LRRC59: variants seen among roughly 807,000 people sequenced by gnomAD.
The protein encoded by LRRC59 is leucine rich repeat containing 59, also known as leucine-rich repeat-containing protein 59.
A neutral mutation model predicts 33.5 loss-of-function variants in LRRC59; 18 were observed. That is an observed-to-expected ratio of 0.54 (90% CI 0.37 to 0.80). The LOEUF is 0.80. LRRC59 is among the 30% of genes least tolerant of loss of function. LRRC59 has a pLI of 0.00. For missense variants in LRRC59, 330 were observed against 391.9 expected, an observed-to-expected ratio of 0.84 and a Z score of 1.33; for synonymous variants, 138 against 160.0, an observed-to-expected ratio of 0.86 and a Z score of 1.04.
At chr17:50,395,716 C>A (rs1314560164) in intron 1 of LRRC59, among the ~76,000 whole-genome samples, 2 of 152,068 alleles carry the variant, frequency 1.3e-5, no homozygotes, top group Non-Finnish European at 2.9e-5. Context: ...GAGTTCGAGA[C>A]CAGCCTGACC....
intron 1 of LRRC59, chr17:50,396,902 CAG>C: frequency 2.5e-6 from 1 of 394,590 alleles, no homozygotes; most frequent in Non-Finnish European, 4.5e-6. Context: ...TGCTCCTACT[CAG>C]AGTCGGGCAC....
chr17:50,396,281 T>A (rs1402351722), intron 1 of LRRC59: 1 of 152,228 alleles, frequency 6.6e-6, no homozygotes, highest in Non-Finnish European at 1.5e-5. Context: ...AATAAGCGTA[T>A]GAGATGGAAA....
rs558084731 is a variant in LRRC59 at position 50,395,600 on chromosome 17, C to T, written c.106-612G>A. Reference sequence around the variant, plus strand: ...GAATCATGACTGATCGAGTAAGTAGCGGAGTGAATGACAGAGTGAAAAAAC... The same window carrying T: ...GAATCATGACTGATCGAGTAAGTAGTGGAGTGAATGACAGAGTGAAAAAAC... On this transcript the variant is annotated intron_variant, in intron 1 of 6. Transcript: ENST00000225972. Among the ~76,000 whole-genome samples the T allele has an allele frequency of 1.8e-3, 273 of 152,164 alleles. 1 individual carries two copies. Among genetic ancestry groups the T allele is most frequent in the African/African-American group, 6.1e-3 (252 of 41,526 alleles).
rs1913832132 is a variant in LRRC59 at position 50,381,356 on chromosome 17, CG to C, written c.*1631del. Reference sequence around the variant, plus strand: ...GGCTCAGCCACTGAGCTGCCTCAACCGGCCAAGGAACGGGATTATGATGACT... The same window carrying C: ...GGCTCAGCCACTGAGCTGCCTCAACCGCCAAGGAACGGGATTATGATGACT... On this transcript the variant is annotated 3_prime_UTR_variant, in exon 7 of 7. Coordinates refer to ENST00000225972, the MANE Select transcript of LRRC59 (RefSeq NM_018509.4). 1 of 199,492 alleles carries C rather than the reference CG, an allele frequency of 5.0e-6. No homozygotes were observed. Among genetic ancestry groups the C allele is most frequent in the Admixed American group, 5.3e-5 (1 of 19,004 alleles). The allele number at this position is 199,492 out of a possible 1,614,324, so 12.4% of individuals were successfully genotyped here.
intron 6 of LRRC59, 21 bp downstream of exon 6, chr17:50,385,097 T>TA: frequency 6.2e-7 from 1 of 1,610,692 alleles, no homozygotes; most frequent in South Asian, 1.1e-5. Flanking sequence ...GCTGGAATCT[T>TA]ACAACAGGCA....
At position 50,395,003 on chromosome 17, in the gene LRRC59, A is replaced by C. The variant is rs1914237582; in HGVS notation, c.106-15T>G. The C allele has an allele frequency of 1.9e-6, 3 of 1,600,840 alleles. No homozygotes were observed. Among genetic ancestry groups the C allele is most frequent in the Non-Finnish European group, 2.6e-6 (3 of 1,168,956 alleles). ...GGAAGGGCAGCCTAGGTAAAAGAGG[A>C]TGAGAAAAACATGTCAGACCAACAT... is the stretch of plus-strand genomic sequence containing the variant. On this transcript the variant is annotated splice_polypyrimidine_tract_variant and intron_variant, in intron 1 of 6. Coordinates refer to ENST00000225972, the MANE Select transcript of LRRC59 (RefSeq NM_018509.4).
chr17:50,392,615 G>C, intron 3 of LRRC59, 113 bp from the exon 4 acceptor site: 1 of 1,460,926 alleles, frequency 6.8e-7, no homozygotes. Flanking sequence ...TCCACATATA[G>C]GGAGCGCCAT....
At chr17:50,396,976 C>T (rs1373803611) in intron 1 of LRRC59, 2 of 409,564 alleles carry the variant, frequency 4.9e-6, no homozygotes, top group Non-Finnish European at 8.6e-6. Context: ...CTGTAAAAAG[C>T]CTAGGGCCAG....
intron 1 of LRRC59, chr17:50,396,327 C>T (rs1263888314): frequency 6.6e-6 from 1 of 152,218 alleles, no homozygotes; most frequent in African/African-American, 2.4e-5. Flanking sequence ...GAGATCTAGG[C>T]ATAAAGGCTA....
chr17:50,392,819 CAA>C lies in LRRC59; in HGVS notation c.242_243del (p.Phe81TrpfsTer37). ...KNKLQQLPADFGRLVNLQHLD... is the reference protein window; with the variant it reads ...KNKLQQLPADXGRLVNLQHLD... ...AGGTGCTGGAGGTTGACCAGACGGCCAAAGTCTGCTGGCAGCTGCTGCAGCTT... is the reference window on the plus strand; with the variant it reads ...AGGTGCTGGAGGTTGACCAGACGGCCAGTCTGCTGGCAGCTGCTGCAGCTT... On this transcript the variant is annotated frameshift_variant, in exon 3 of 7. Coordinates refer to ENST00000225972, the MANE Select transcript of LRRC59 (RefSeq NM_018509.4). LOFTEE classifies it high-confidence loss of function. 6.2e-7 allele frequency: 1 copy of C among 1,614,128 alleles called. No individual in the cohort carries two copies. Among genetic ancestry groups the C allele is most frequent in the Non-Finnish European group, 8.5e-7 (1 of 1,180,000 alleles).
rs139115894 is a variant in LRRC59 at position 50,388,080 on chromosome 17, C to T, written c.482G>A (p.Arg161Gln). The change falls in exon 5 of 7, where the codon CGG (arginine) becomes CAG (glutamine). Residue 161 changes from arginine to glutamine, a missense_variant. By Grantham distance (43) the Arg-to-Gln change is conservative. Transcript: ENST00000225972. The stretch of plus-strand genomic sequence containing the variant: ...CCTACCACGTTCTACTTCCAGCCGC[C>T]GCTGCCTCTCCCGCTCCTGATCTGC... ...VQADQERERQRRLEVEREAEK... is the reference protein window; with the variant it reads ...VQADQERERQQRLEVEREAEK... 4.7e-5 allele frequency: 76 copies of T among 1,614,196 alleles called. No individual in the cohort carries two copies. The African/African-American group carries it at 6.1e-4, about 13-fold the overall frequency.
intron 4 of LRRC59, 77 bp from the exon 5 acceptor site, chr17:50,388,209 T>C (rs898229309): frequency 7.5e-7 from 1 of 1,330,438 alleles, no homozygotes; most frequent in African/African-American, 1.4e-5. Flanking sequence ...CAGACTATTT[T>C]CAGGCTTCCA....
At position 50,381,682 on chromosome 17, in the gene LRRC59, A is replaced by G. The variant is rs1353099393; in HGVS notation, c.*1306T>C. 1.3e-5 allele frequency: 2 copies of G among 152,682 alleles called. No homozygotes were observed. The highest frequency in any genetic ancestry group is 6.5e-5 in the Admixed American group (1 of 15,286). The allele number at this position is 152,682 out of a possible 1,614,324, so 9.5% of individuals were successfully genotyped here. A position where few individuals can be genotyped will look rare whatever the true frequency, so the allele number is the denominator to read the frequency against. On this transcript the variant is annotated 3_prime_UTR_variant, in exon 7 of 7. Transcript: ENST00000225972. The stretch of plus-strand genomic sequence containing the variant: ...CTCCGGGGGAGCCAAGGAGCTTGCA[A>G]CTGGGAGTTTGCAGTGAATGAGCAC...
chr17:50,391,794 G>A (rs574006513), intron 4 of LRRC59, among the ~76,000 whole-genome samples: 4 of 152,230 alleles, frequency 2.6e-5, no homozygotes, highest in South Asian at 4.1e-4. Context: ...CCTAACCCCC[G>A]GTACTATTAA....
chr17:50,383,120 A>C lies in LRRC59; in HGVS notation c.792T>G (p.Val264=). ...LLLFGVAGGL[V]ACRVTELQQQ... Reference sequence around the variant, plus strand: ...GCTGCAGCTCTGTCACCCGACAAGCAACCAGCCCTCCCGCCACACCAAATA... The same window carrying C: ...GCTGCAGCTCTGTCACCCGACAAGCCACCAGCCCTCCCGCCACACCAAATA... The change falls in exon 7 of 7, where the codon GTT becomes GTG. Residue 264 remains valine, a synonymous_variant. Transcript: ENST00000225972. 1 of 1,562,870 alleles carries C rather than the reference A, an allele frequency of 6.4e-7. No homozygotes were observed. The highest frequency in any genetic ancestry group is 8.7e-7 in the Non-Finnish European group (1 of 1,153,860).
chr17:50,393,657 G>A (rs1198029078), intron 2 of LRRC59, among the ~76,000 whole-genome samples: 1 of 152,190 alleles, frequency 6.6e-6, no homozygotes, highest in East Asian at 1.9e-4. Context: ...ATCTGAAAGC[G>A]ATGGTACAAC....
intron 4 of LRRC59, among the ~76,000 whole-genome samples, chr17:50,388,774 C>T (rs957157454): frequency 4.6e-5 from 7 of 152,180 alleles, no homozygotes; most frequent in African/African-American, 1.7e-4. Flanking sequence ...TTGGGAACAG[C>T]ATTTCCTCCA....
rs1428178759 is a variant in LRRC59, at chr17:50,397,197, G to A, written c.105+16C>T. 6.5e-7 allele frequency: 1 copy of A among 1,535,572 alleles called. No homozygotes were observed. Among genetic ancestry groups the A allele is most frequent in the African/African-American group, 1.4e-5 (1 of 70,126 alleles). ...CGGCGAAGGTGGGCGCCTGGGCCTC[G>A]CGGGACGATACTGACCAGCTCCTTC... On this transcript the variant is annotated intron_variant, in intron 1 of 6. Transcript: ENST00000225972.
chr17:50,383,845 G>C (rs755290691), intron 6 of LRRC59, among the ~76,000 whole-genome samples: 6 of 151,762 alleles, frequency 4.0e-5, no homozygotes, highest in Non-Finnish European at 8.8e-5. Flanking sequence ...TTAAAAACTT[G>C]ACTGATCATC....
Sources: allele counts gnomAD v4.1 joint callset (sites outside exome capture counted in the v4.1 genomes callset), GRCh38; gene constraint gnomAD v4.1.1; transcripts MANE v1.5; gene names NCBI Gene and HGNC (gene_info 2026-07-23, HGNC 2026-07-21).